Variants in USP7 observed in about 807,000 individuals in gnomAD.
The protein encoded by USP7 is ubiquitin specific peptidase 7.
USP7 carries 9 observed loss-of-function variants against 162.9 expected under a neutral mutation model. The observed-to-expected ratio is 0.06, with a 90% confidence interval of 0.03 to 0.10. The LOEUF is 0.10. USP7 is among the 10% of genes least tolerant of loss of function. The probability of loss-of-function intolerance (pLI) is 1.00; values close to 1 mark genes in which losing one functional copy is unlikely to be tolerated. For missense variants in USP7, 715 were observed against 1,373.7 expected (o/e 0.52, Z 7.58); for synonymous variants, 562 against 475.9 (o/e 1.18, Z -2.35).
At chr16:8,918,346 T>C (rs1429249796) in intron 6 of USP7, among the ~76,000 whole-genome samples, 3 of 152,204 alleles carry the variant, frequency 2.0e-5, no homozygotes, top group African/African-American at 7.2e-5. Context: ...CTCATCTATA[T>C]TAGATTTAAT....
intron 2 of USP7, among the ~76,000 whole-genome samples, chr16:8,926,938 C>T (rs1049019107): frequency 2.6e-5 from 4 of 152,326 alleles, no homozygotes; most frequent in South Asian, 4.1e-4. Context: ...ACCTACAGCA[C>T]GAAGTTCCCA....
At chr16:8,916,948 C>G in intron 7 of USP7, 78 bp downstream of exon 7, 2 of 1,435,978 alleles carry the variant, frequency 1.4e-6, no homozygotes, top group Non-Finnish European at 1.8e-6. Context: ...ACTAACTTTT[C>G]TATTCTCTAC....
At position 8,898,622 on chromosome 16, in the gene USP7, C is replaced by T. The variant is rs1169032466; in HGVS notation, c.2549G>A (p.Gly850Asp). Residue 850 changes from glycine to aspartate, a missense_variant, in exon 24 of 31, where the codon GGT becomes GAT. Transcript: ENST00000344836. Reference sequence around the variant, plus strand: ...TTCATAATTATGTCTAAGAGGATTACCTGGGCCATCCCTATAACTACACAA... The same window carrying T: ...TTCATAATTATGTCTAAGAGGATTATCTGGGCCATCCCTATAACTACACAA... ...FKSQGYRDGP[G>D]NPLRHNYEGT... The T allele has an allele frequency of 6.3e-7, 1 of 1,598,244 alleles. No individual in the cohort carries two copies. Among genetic ancestry groups the T allele is most frequent in the Non-Finnish European group, 8.5e-7 (1 of 1,175,496 alleles).
intron 1 of USP7, among the ~76,000 whole-genome samples, chr16:8,958,861 C>T: frequency 6.6e-6 from 1 of 152,258 alleles, no homozygotes; most frequent in Non-Finnish European, 1.5e-5. Context: ...TATTCAAGCA[C>T]ATCAAGCCCA....
chr16:8,897,726 A>AAAAAATAT (rs1555461671), intron 25 of USP7, among the ~76,000 whole-genome samples: 3 of 7,132 alleles, frequency 4.2e-4, no homozygotes, highest in African/African-American at 1.1e-3. Flanking sequence ...AAAAAAAAAA[A>AAAAAATAT]ATATATATAT....
intron 30 of USP7, 87 bp downstream of exon 30, chr16:8,894,463 G>T: frequency 7.3e-7 from 1 of 1,367,872 alleles, no homozygotes; most frequent in Admixed American, 2.3e-5. Flanking sequence ...GCTGGCACTT[G>T]ACCCTGGGGC....
chr16:8,947,026 T>C (rs2141256520), intron 1 of USP7, among the ~76,000 whole-genome samples: 1 of 152,334 alleles, frequency 6.6e-6, no homozygotes, highest in South Asian at 2.1e-4. Flanking sequence ...ACCACTTGTT[T>C]TGCTTTGCTG....
chr16:8,913,604 T>G (rs1269861899), intron 10 of USP7, among the ~76,000 whole-genome samples: 1 of 152,002 alleles, frequency 6.6e-6, no homozygotes, highest in African/African-American at 2.4e-5. Context: ...AAAATCTTTC[T>G]AGGCATGCAA....
At chr16:8,913,682 AAACGGAGGAGCAT>A (rs1676201026) in intron 10 of USP7, among the ~76,000 whole-genome samples, 2 of 152,084 alleles carry the variant, frequency 1.3e-5, no homozygotes, top group African/African-American at 4.8e-5. Context: ...TCCAAATTAA[AAACGGAGGAGCAT>A]TGCAAGCTGT....
intron 1 of USP7, chr16:8,936,774 A>T: frequency 1.5e-6 from 2 of 1,309,548 alleles, no homozygotes; most frequent in South Asian, 1.9e-5. Context: ...GAAACATTCA[A>T]GCAACCTCAA....
At position 8,930,287 on chromosome 16, in the gene USP7, A is replaced by T; in HGVS notation, c.184+6T>A. 6.2e-7 allele frequency: 1 copy of T among 1,608,122 alleles called. No individual in the cohort carries two copies. The highest frequency in any genetic ancestry group is 2.2e-5 in the East Asian group (1 of 44,648). On this transcript the variant is annotated splice_donor_region_variant and intron_variant, in intron 2 of 30. Transcript: ENST00000344836. ...CACTGCGAGGCGGTGAACCACAGGC[A>T]CTTACCATCCTCCATGTCCTCCTCC...
chr16:8,929,844 A>C (rs1460356724), intron 2 of USP7, among the ~76,000 whole-genome samples: 1 of 152,238 alleles, frequency 6.6e-6, no homozygotes. Flanking sequence ...CAAAGCTTGA[A>C]TCTGATTTCA....
chr16:8,926,272 G>A (rs186603933), intron 2 of USP7, among the ~76,000 whole-genome samples: 72 of 152,224 alleles, frequency 4.7e-4, no homozygotes, highest in African/African-American at 1.7e-3. Flanking sequence ...GAGGTCAGGA[G>A]TTTGAGACCA....
intron 25 of USP7, among the ~76,000 whole-genome samples, chr16:8,898,042 A>T (rs1401303438): frequency 6.6e-6 from 1 of 152,040 alleles, no homozygotes; most frequent in Non-Finnish European, 1.5e-5. Flanking sequence ...ACTCCCTGAG[A>T]TCAGGCCGCG....
At chr16:8,940,624 T>C (rs1451112517) in intron 1 of USP7, among the ~76,000 whole-genome samples, 1 of 152,050 alleles carries the variant, frequency 6.6e-6, no homozygotes. Flanking sequence ...GGGACGATGG[T>C]GGCAGCCAAA....
intron 2 of USP7, among the ~76,000 whole-genome samples, chr16:8,924,131 C>T (rs1439880709): frequency 6.6e-6 from 1 of 152,072 alleles, no homozygotes; most frequent in African/African-American, 2.4e-5. Flanking sequence ...AGCAGAGGTC[C>T]AACTGAAGGT....
intron 2 of USP7, among the ~76,000 whole-genome samples, 161 bp downstream of exon 2, chr16:8,930,132 A>C (rs1446311722): frequency 6.6e-6 from 1 of 152,180 alleles, no homozygotes; most frequent in African/African-American, 2.4e-5. Flanking sequence ...GCAATCTTGA[A>C]ACTCAAAACC....
chr16:8,923,809 C>T (rs1283882254), intron 2 of USP7, among the ~76,000 whole-genome samples: 2 of 152,172 alleles, frequency 1.3e-5, no homozygotes, highest in Non-Finnish European at 2.9e-5. Flanking sequence ...AAGACCACGA[C>T]ATGGGACTTG....
At chr16:8,894,207 GTAAGTTCGCAGGGAAGCCAGGAC>G (rs1436700236) in intron 30 of USP7, 103 bp from the exon 31 acceptor site, 2 of 1,110,044 alleles carry the variant, frequency 1.8e-6, no homozygotes, top group Non-Finnish European at 2.7e-6. Context: ...TCCCCAAGGG[GTAAGTTCGCAGGGAAGCCAGGAC>G]CTGAGCTACA....
Sources: gnomAD v4.1 joint callset for allele counts (sites outside exome capture counted in the v4.1 genomes callset) on GRCh38, gnomAD v4.1.1 for gene constraint, MANE v1.5 for transcripts, NCBI Gene and HGNC (gene_info 2026-07-23, HGNC 2026-07-21) for gene names.